C4orf51: variants seen among roughly 807,000 people sequenced by gnomAD.
C4orf51 encodes uncharacterized protein C4orf51.
In C4orf51, 25 loss-of-function variants were observed where a neutral mutation model predicts 25.2. The observed-to-expected ratio is 0.99, with a 90% CI of 0.72 to 1.39. The LOEUF (loss-of-function observed/expected upper bound fraction) is 1.39, where lower values mean the gene tolerates loss of function less well. C4orf51 is among the 40% of genes most tolerant of loss of function. C4orf51 has a pLI of 0.00. For synonymous variants in C4orf51, 100 were observed against 84.5 expected (o/e 1.18, Z -1.01); for missense variants, 252 against 239.6 (o/e 1.05, Z -0.34).
the C4orf51 span, among the ~76,000 whole-genome samples, chr4:145,777,344 T>G: frequency 4.6e-5 from 7 of 152,240 alleles, no homozygotes; most frequent in South Asian, 1.0e-3. Flanking sequence ...TTTTCTATCA[T>G]TTGGAAAGGT....
rs374386740 is a variant in C4orf51 at position 145,718,986 on chromosome 4, C to T, written c.308-7925C>T. ...AATAAGTTTTTCACATTCTCAGCGT[C>T]TTCATCTCTATCTTGATGCCTGCTT... is the stretch of plus-strand genomic sequence containing the variant. On this transcript the variant is annotated intron_variant, in intron 2 of 5. Coordinates refer to ENST00000438731, the MANE Select transcript of C4orf51 (RefSeq NM_001080531.3). Among the ~76,000 whole-genome samples the T allele has an allele frequency of 9.8e-5, 15 of 152,334 alleles. No individual in the cohort carries two copies. The East Asian group carries it at 1.7e-3, about 18-fold the overall frequency.
At chr4:145,756,614 A>G (rs1427553391), downstream of C4orf51, among the ~76,000 whole-genome samples, 1 of 152,206 alleles carries the variant, frequency 6.6e-6, no homozygotes, top group Non-Finnish European at 1.5e-5. Context: ...AGTTTAAGGA[A>G]AAAAGAATGT....
intron 1 of C4orf51, among the ~76,000 whole-genome samples, chr4:145,693,833 CGG>C (rs371701857): frequency 1.2e-4 from 2 of 16,244 alleles, no homozygotes; most frequent in African/African-American, 3.2e-4. Context: ...GCTGGCCGGG[CGG>C]GGGGGCTGAC....
downstream of C4orf51, among the ~76,000 whole-genome samples, chr4:145,736,614 A>G (rs1330900019): frequency 6.6e-6 from 1 of 152,174 alleles, no homozygotes; most frequent in African/African-American, 2.4e-5. Context: ...GGACTTAGAC[A>G]TACTTCAGGA....
intron 1 of C4orf51, among the ~76,000 whole-genome samples, chr4:145,682,947 C>G (rs747111415): frequency 1.3e-5 from 2 of 151,856 alleles, no homozygotes; most frequent in African/African-American, 2.4e-5. Flanking sequence ...ATAAAACTGT[C>G]TTTGTTTGCA....
chr4:145,779,379 T>G, the C4orf51 span: 2 of 1,613,992 alleles, frequency 1.2e-6, no homozygotes, highest in Non-Finnish European at 1.7e-6. Context: ...CTCACCTGTG[T>G]GCAGCGAGAG....
intron 2 of C4orf51, among the ~76,000 whole-genome samples, chr4:145,702,266 C>T (rs1284510311): frequency 2.0e-5 from 3 of 151,652 alleles, no homozygotes; most frequent in Admixed American, 6.6e-5. Flanking sequence ...CTATCCACCC[C>T]GTGGTGCCAA....
At chr4:145,701,300 C>T (rs981966822) in intron 2 of C4orf51, among the ~76,000 whole-genome samples, 2 of 152,134 alleles carry the variant, frequency 1.3e-5, no homozygotes, top group South Asian at 2.1e-4. Context: ...CTCCAGCACA[C>T]AAGAACTTCC....
chr4:145,782,714 C>T, the C4orf51 span, among the ~76,000 whole-genome samples: 1 of 152,234 alleles, frequency 6.6e-6, no homozygotes, highest in Non-Finnish European at 1.5e-5. Context: ...AAAGGCTCCT[C>T]AAGGCCAAAC....
the C4orf51 span, among the ~76,000 whole-genome samples, chr4:145,791,462 AGAG>A: frequency 6.6e-6 from 1 of 152,204 alleles, no homozygotes; most frequent in African/African-American, 2.4e-5. Context: ...GTTAGCTAGG[AGAG>A]GAGGAAAGGG....
chr4:145,688,946 C>A (rs1729356000), intron 1 of C4orf51, among the ~76,000 whole-genome samples: 1 of 152,176 alleles, frequency 6.6e-6, no homozygotes, highest in East Asian at 1.9e-4. Context: ...CAACAACAAA[C>A]ATATTATAAA....
chr4:145,727,929 T>TAA (rs1429745472), intron 3 of C4orf51, among the ~76,000 whole-genome samples: 8 of 90,926 alleles, frequency 8.8e-5, no homozygotes, highest in Non-Finnish European at 1.5e-4. Context: ...ATATAAAATA[T>TAA]ATTATATATA....
At chr4:145,723,353 G>A (rs1052256915) in intron 2 of C4orf51, among the ~76,000 whole-genome samples, 2 of 151,976 alleles carry the variant, frequency 1.3e-5, no homozygotes, top group African/African-American at 2.4e-5. Context: ...ATTATGTTTT[G>A]TGTTCACGAA....
At chr4:145,719,301 A>G (rs1210436286) in intron 2 of C4orf51, among the ~76,000 whole-genome samples, 2 of 152,186 alleles carry the variant, frequency 1.3e-5, no homozygotes, top group Non-Finnish European at 2.9e-5. Context: ...AAATTAAAAC[A>G]TAGTGTATAG....
At chr4:145,718,119 T>G (rs1411626325) in intron 2 of C4orf51, among the ~76,000 whole-genome samples, 1 of 152,226 alleles carries the variant, frequency 6.6e-6, no homozygotes, top group Non-Finnish European at 1.5e-5. Context: ...ACATCTGTAC[T>G]GCTCTAGGGA....
chr4:145,720,353 C>T (rs1731662536), intron 2 of C4orf51, among the ~76,000 whole-genome samples: 1 of 152,066 alleles, frequency 6.6e-6, no homozygotes, highest in Non-Finnish European at 1.5e-5. Context: ...GAAATGGGGC[C>T]AACAGGAAGA....
intron 1 of C4orf51, among the ~76,000 whole-genome samples, chr4:145,766,546 G>C (rs778857821): frequency 6.6e-6 from 1 of 152,192 alleles, no homozygotes; most frequent in African/African-American, 2.4e-5. Context: ...GACAGACTCC[G>C]AGTGGCGGAT....
chr4:145,712,723 T>C (rs1560839650), intron 2 of C4orf51, among the ~76,000 whole-genome samples: 3 of 152,248 alleles, frequency 2.0e-5, no homozygotes. Flanking sequence ...AGGTAATTAA[T>C]GAAGGTGGCT....
the C4orf51 span, among the ~76,000 whole-genome samples, chr4:145,787,233 G>A: frequency 1.1e-4 from 16 of 152,312 alleles, no homozygotes; most frequent in East Asian, 3.1e-3. Flanking sequence ...GGGAGGCCGA[G>A]GCGTGTGGAT....
Sources: gnomAD v4.1 joint callset for allele counts (sites outside exome capture counted in the v4.1 genomes callset) on GRCh38, gnomAD v4.1.1 for gene constraint, MANE v1.5 for transcripts, NCBI Gene and HGNC (gene_info 2026-07-23, HGNC 2026-07-21) for gene names.